RFX3: variants seen among roughly 807,000 people sequenced by gnomAD.
RFX3 encodes regulatory factor X3.
In RFX3, 14 loss-of-function variants were observed where a neutral mutation model predicts 98.6. The observed-to-expected ratio is 0.14, with a 90% CI of 0.09 to 0.22. The LOEUF (loss-of-function observed/expected upper bound fraction) is 0.22, where lower values mean the gene tolerates loss of function less well. Among genes scored for constraint, RFX3 ranks in the 10% least tolerant of loss-of-function variants. The pLI is 1.00. For missense variants in RFX3, 639 were observed against 926.9 expected (o/e 0.69, Z 4.03); for synonymous variants, 383 against 328.4 (o/e 1.17, Z -1.80).
chr9:3,484,620 C>A (rs1392671288), intron 1 of RFX3, among the ~76,000 whole-genome samples: 2 of 152,326 alleles, frequency 1.3e-5, no homozygotes, highest in East Asian at 3.9e-4. Context: ...GTATTTTCTA[C>A]TTCACATGTG....
intron 3 of RFX3, among the ~76,000 whole-genome samples, chr9:3,340,557 GA>G (rs1218553343): frequency 1.6e-4 from 24 of 152,004 alleles, no homozygotes; most frequent in Non-Finnish European, 2.2e-4. Context: ...AAATTTACAA[GA>G]AAAAAACAAA....
At chr9:3,456,417 G>A (rs1324564093) in intron 1 of RFX3, among the ~76,000 whole-genome samples, 1 of 152,092 alleles carries the variant, frequency 6.6e-6, no homozygotes, top group Non-Finnish European at 1.5e-5. Flanking sequence ...CATTTCAGAT[G>A]GCTAAGCTTT....
intron 2 of RFX3, among the ~76,000 whole-genome samples, chr9:3,375,144 G>A (rs1838316493): frequency 6.6e-6 from 1 of 152,132 alleles, no homozygotes; most frequent in Non-Finnish European, 1.5e-5. Flanking sequence ...CCTAAATGTT[G>A]AAAATCTTAT....
chr9:3,236,772 C>G (rs2130795278), intron 15 of RFX3, among the ~76,000 whole-genome samples: 1 of 152,160 alleles, frequency 6.6e-6, no homozygotes, highest in East Asian at 1.9e-4. Context: ...AAATGTTAAC[C>G]AGAAAAGACT....
intron 13 of RFX3, among the ~76,000 whole-genome samples, chr9:3,257,456 T>A (rs1437641862): frequency 6.6e-6 from 1 of 152,206 alleles, no homozygotes; most frequent in Non-Finnish European, 1.5e-5. Context: ...TTGGTTTTTC[T>A]ACATTAACTA....
rs1196709687 is a variant in RFX3 at position 3,504,926 on chromosome 9, AT to A, written c.-9+20820del. Among the ~76,000 whole-genome samples, 3 of 74,280 alleles carry A rather than the reference AT, an allele frequency of 4.0e-5. 1 individual carries two copies. The highest frequency in any genetic ancestry group is 4.4e-4 in the East Asian group (1 of 2,268). The allele number at this position is 74,280 out of a possible 152,430, so 48.7% of individuals were successfully genotyped here. On this transcript the variant is annotated intron_variant, in intron 1 of 16. Transcript: ENST00000617270. ...TATATATATATATAATATAACATATATTATATATAATATATATAATATAATA... is the reference window on the plus strand; with the variant it reads ...TATATATATATATAATATAACATATATATATATAATATATATAATATAATA...
chr9:3,275,923 C>T (rs1326422055), intron 8 of RFX3, among the ~76,000 whole-genome samples: 2 of 151,936 alleles, frequency 1.3e-5, no homozygotes, highest in Admixed American at 1.3e-4. Flanking sequence ...AAAAATATCT[C>T]GAGCTTGCTA....
chr9:3,258,009 T>G (rs1259293354), intron 13 of RFX3, among the ~76,000 whole-genome samples: 1 of 152,168 alleles, frequency 6.6e-6, no homozygotes, highest in Non-Finnish European at 1.5e-5. Flanking sequence ...CTATGTTGTA[T>G]TTTAAGATTT....
At chr9:3,491,972 T>C (rs907233133) in intron 1 of RFX3, among the ~76,000 whole-genome samples, 3 of 152,204 alleles carry the variant, frequency 2.0e-5, no homozygotes, top group Non-Finnish European at 2.9e-5. Flanking sequence ...AAGTGCTACA[T>C]TGGCCTCACC....
chr9:3,284,956 C>T (rs1826387646), intron 7 of RFX3, among the ~76,000 whole-genome samples: 2 of 151,718 alleles, frequency 1.3e-5, no homozygotes, highest in Admixed American at 1.3e-4. Context: ...GAGATTTCCT[C>T]TACCACCCCA....
chr9:3,356,346 T>C lies in RFX3; in HGVS notation c.118-9582A>G, dbSNP rs562211285. On this transcript the variant is annotated intron_variant, in intron 2 of 16. Coordinates refer to ENST00000617270, the MANE Select transcript of RFX3 (RefSeq NM_001282116.2). ...ATGAAAGGGGAAACGTCACTATACA[T>C]CTTTAAAAAGGTAATAATAAAGACA... Among the ~76,000 whole-genome samples, 15 of 151,884 alleles carry C rather than the reference T, an allele frequency of 9.9e-5. No homozygotes were observed. The South Asian group carries it at 2.5e-3, about 25-fold the overall frequency.
intron 2 of RFX3, among the ~76,000 whole-genome samples, chr9:3,387,855 A>G (rs980056295): frequency 6.6e-6 from 1 of 152,130 alleles, no homozygotes; most frequent in Non-Finnish European, 1.5e-5. Context: ...ATGTCCATCA[A>G]TGCTAGGATT....
chr9:3,512,005 C>T (rs1218344972), intron 1 of RFX3, among the ~76,000 whole-genome samples: 1 of 152,006 alleles, frequency 6.6e-6, no homozygotes, highest in Non-Finnish European at 1.5e-5. Context: ...ACAGACACCC[C>T]ATTTACTCTT....
rs1359665368 is a variant in RFX3, at chr9:3,224,994, A to C, written c.*48T>G. ...CTTATTAAATTTTCAACTTAAGCCC[A>C]ATATCAACAGGGTTAATGTAAGCTG... On this transcript the variant is annotated 3_prime_UTR_variant, in exon 17 of 17. Coordinates refer to ENST00000617270, the MANE Select transcript of RFX3 (RefSeq NM_001282116.2). The C allele has an allele frequency of 4.5e-6, 7 of 1,566,022 alleles. No homozygotes were observed. In the African/African-American group the frequency reaches 9.5e-5, roughly 21 times the overall value.
chr9:3,447,471 T>G (rs1195228281), intron 1 of RFX3, among the ~76,000 whole-genome samples: 2 of 152,164 alleles, frequency 1.3e-5, no homozygotes, highest in African/African-American at 4.8e-5. Flanking sequence ...GAAGACTATT[T>G]CTCAAATGCT....
At chr9:3,291,389 CAAAAACAAAACAAAACAAAA>C (rs758190912) in intron 6 of RFX3, among the ~76,000 whole-genome samples, 1,518 of 121,506 alleles carry the variant, frequency 0.012, 13 homozygotes, top group African/African-American at 0.022. Flanking sequence ...AAAACAAAAA[CAAAAACAAAACAAAACAAAA>C]CAAAACAAAA....
chr9:3,278,362 A>G (rs867445062), intron 7 of RFX3, among the ~76,000 whole-genome samples: 3 of 151,946 alleles, frequency 2.0e-5, no homozygotes, highest in South Asian at 4.1e-4. Context: ...ACAACAGAAA[A>G]GCGTAAGAAA....
chr9:3,321,301 A>G (rs1236211816), intron 4 of RFX3, among the ~76,000 whole-genome samples: 2 of 152,176 alleles, frequency 1.3e-5, no homozygotes, highest in Admixed American at 6.5e-5. Flanking sequence ...AATTCCCGGA[A>G]GCACACTGAC....
chr9:3,506,200 C>G (rs1587892283), intron 1 of RFX3, among the ~76,000 whole-genome samples: 1 of 148,648 alleles, frequency 6.7e-6, no homozygotes, highest in African/African-American at 2.5e-5. Context: ...TTATGAAGGA[C>G]AACTGTTTTT....
Sources: allele counts gnomAD v4.1 joint callset (sites outside exome capture counted in the v4.1 genomes callset), GRCh38; gene constraint gnomAD v4.1.1; transcripts MANE v1.5; gene names NCBI Gene and HGNC (gene_info 2026-07-23, HGNC 2026-07-21).